Variants in MMAB observed in about 807,000 individuals in gnomAD.
MMAB encodes the protein corrinoid adenosyltransferase MMAB.
A neutral mutation model predicts 30.6 loss-of-function variants in MMAB; 17 were observed. The ratio of observed to expected loss-of-function variants is 0.56; its 90% CI spans 0.38 to 0.83. MMAB has a LOEUF of 0.83. MMAB is among the 40% of genes least tolerant of loss of function. The probability of loss-of-function intolerance (pLI) is 0.00; values close to 1 mark genes in which losing one functional copy is unlikely to be tolerated. For missense variants in MMAB, 311 were observed against 331.6 expected, an observed-to-expected ratio of 0.94 and a Z score of 0.48; for synonymous variants, 134 against 138.6, an observed-to-expected ratio of 0.97 and a Z score of 0.23.
rs1158804708 is a variant in MMAB, at chr12:109,568,777, C to T, written c.283G>A (p.Ala95Thr). The T allele has an allele frequency of 1.9e-6, 3 of 1,613,518 alleles. No homozygotes were observed. In the African/African-American group the frequency reaches 4.0e-5, roughly 22 times the overall value. The change falls in exon 3 of 9, where the codon GCT becomes ACT. Residue 95 changes from alanine (A) to threonine (T), a missense_variant. By Grantham distance (58) the Ala-to-Thr change is moderately conservative. Coordinates refer to ENST00000545712, the MANE Select transcript of MMAB (RefSeq NM_052845.4). ...AVGTTDELSS[A>T]IGFALELVTE... is the part of the protein sequence containing the mutation. ...CAATCCTGTCCCCCTTACCCAATAG[C>T]TGAACTTAATTCATCTGTAGTTCCC... is the stretch of plus-strand genomic sequence containing the variant.
rs771667098 is a variant in MMAB at position 109,568,853 on chromosome 12, A to C, written c.207T>G (p.Ser69Arg). ...TGGGTCTCCTTTCTCCTGTGAAGGTACTAGAAAACCCTGTGGAAAAAAATG... is the reference window on the plus strand; with the variant it reads ...TGGGTCTCCTTTCTCCTGTGAAGGTCCTAGAAAACCCTGTGGAAAAAAATG... ...YTKTGDKGFS[S>R]TFTGERRPKD... is the part of the protein sequence containing the mutation. The change falls in exon 3 of 9, where the codon AGT (serine) becomes AGG (arginine). Residue 69 changes from serine to arginine, a missense_variant. Ser to Arg is a moderately radical substitution (Grantham distance 110). Coordinates refer to ENST00000545712, the MANE Select transcript of MMAB (RefSeq NM_052845.4). 7 of 1,613,338 alleles carry C rather than the reference A, an allele frequency of 4.3e-6. No homozygotes were observed. Among genetic ancestry groups the C allele is most frequent in the Non-Finnish European group, 5.9e-6 (7 of 1,179,380 alleles).
intron 2 of MMAB, 33 bp downstream of exon 2, chr12:109,571,616 T>A (rs1884628814): frequency 1.3e-6 from 2 of 1,591,560 alleles, no homozygotes; most frequent in South Asian, 2.2e-5. Context: ...GCCATGAGTA[T>A]TTCTTTGCAT....
At chr12:109,564,467 T>C (rs192981954) in intron 4 of MMAB, among the ~76,000 whole-genome samples, 29 of 148,612 alleles carry the variant, frequency 2.0e-4, no homozygotes, top group Admixed American at 1.0e-3. Flanking sequence ...CACTGCAGCC[T>C]CAACCTGTAA....
chr12:109,561,103 G>C lies in MMAB; in HGVS notation c.521C>G (p.Ser174Trp). ...CAGCGCCGAGCTGATCTTGCCTCCC[G>C]ACTGAAAGGAGAAAGGGACATTGCC... ...LPPLTAFILP[S>W]GGKISSALHF... The change falls in exon 7 of 9, where the codon TCG becomes TGG. Residue 174 changes from serine (S) to tryptophan (W), a missense_variant and splice_region_variant. By Grantham distance (177) the Ser-to-Trp change is radical. Coordinates refer to ENST00000545712, the MANE Select transcript of MMAB (RefSeq NM_052845.4). The surrounding 1 kb of genome is among the most constrained non-coding windows in gnomAD (Gnocchi z 5.3). 1 of 1,609,740 alleles carries C rather than the reference G, an allele frequency of 6.2e-7. No homozygotes were observed. Among genetic ancestry groups the C allele is most frequent in the East Asian group, 2.2e-5 (1 of 44,838 alleles).
intron 3 of MMAB, chr12:109,568,529 G>T (rs1678311824): frequency 3.3e-6 from 2 of 601,192 alleles, no homozygotes; most frequent in Admixed American, 5.8e-5. Flanking sequence ...ATGAGAGGGA[G>T]GCAGCTTCAC....
chr12:109,566,957 C>G, intron 3 of MMAB: 1 of 455,934 alleles, frequency 2.2e-6, no homozygotes, highest in South Asian at 1.5e-5. Flanking sequence ...TTTGCCTTCT[C>G]TACCCGGCTG....
In MMAB at chr12:109,556,261, C is replaced by A. The variant is rs2136191075; in HGVS notation, c.*767G>T. On this transcript the variant is annotated 3_prime_UTR_variant, in exon 9 of 9. Coordinates refer to ENST00000545712, the MANE Select transcript of MMAB (RefSeq NM_052845.4). The stretch of plus-strand genomic sequence containing the variant: ...TGCTGGAAACTGACAACCTCATTTT[C>A]TCAAGCTGAAGATGCTGCACCGCAG... 2.2e-6 allele frequency: 1 copy of A among 454,082 alleles called. No individual in the cohort carries two copies. Among genetic ancestry groups the A allele is most frequent in the African/African-American group, 2.0e-5 (1 of 50,104 alleles). 28.1% of individuals were successfully genotyped at this position (454,082 alleles called of 1,614,324 possible).
Position 109,559,120 on chromosome 12 carries a change from G to A in MMAB, c.620C>T (p.Ala207Val), listed in dbSNP as rs61739388. Residue 207 changes from alanine (A) to valine (V), a missense_variant, in exon 8 of 9, where the codon GCG becomes GTG. Transcript: ENST00000545712. The part of the protein sequence containing the change: ...VPLVQMGETD[A>V]NVAKFLNRLS... The stretch of plus-strand genomic sequence containing the variant: ...CCTGTTTAAGAACTTGGCCACGTTC[G>A]CATCGGTCTCTCCCATCTGGACAAG... 5.8e-4 allele frequency: 933 copies of A among 1,613,680 alleles called. 3 individuals carry two copies. Among genetic ancestry groups the A allele is most frequent in the Non-Finnish European group, 7.3e-4 (864 of 1,179,764 alleles).
At position 109,558,772 on chromosome 12, in the gene MMAB, C is replaced by T. The variant is rs144504625; in HGVS notation, c.644+324G>A. Among the ~76,000 whole-genome samples the T allele has an allele frequency of 3.0e-4, 45 of 152,186 alleles. No homozygotes were observed. The highest frequency in any genetic ancestry group is 3.4e-3 in the Middle Eastern group (1 of 294). ...GGTCAGTCACCACCGAGAGGCCTCC[C>T]CTGAGCACCCAGCCTCTAAGAACGC... On this transcript the variant is annotated intron_variant, in intron 8 of 8. Coordinates refer to ENST00000545712, the MANE Select transcript of MMAB (RefSeq NM_052845.4). This position sits in a 1 kb window ranked among gnomAD's most constrained non-coding sequence, Gnocchi z 4.3.
At chr12:109,562,668 G>T (rs1434388170) in intron 4 of MMAB, among the ~76,000 whole-genome samples, 2 of 152,228 alleles carry the variant, frequency 1.3e-5, no homozygotes, top group African/African-American at 4.8e-5. Flanking sequence ...ACCTGTAACA[G>T]TTGGGCCAAG....
rs1884007696 is a variant in MMAB, at chr12:109,557,095, A to G, written c.686T>C (p.Met229Thr). 1 of 1,613,760 alleles carries G rather than the reference A, an allele frequency of 6.2e-7. No homozygotes were observed. The highest frequency in any genetic ancestry group is 8.5e-7 in the Non-Finnish European group (1 of 1,179,670). Residue 229 changes from methionine to threonine, a missense_variant, in exon 9 of 9, where the codon ATG becomes ACG. By Grantham distance (81) the Met-to-Thr change is moderately conservative. Transcript: ENST00000545712. ...TATTTTCTCTTGATTCCCCTCCTTCATGGCTGCATATCTGGCTAGCGTGAA... is the reference window on the plus strand; with the variant it reads ...TATTTTCTCTTGATTCCCCTCCTTCGTGGCTGCATATCTGGCTAGCGTGAA... ...YLFTLARYAAMKEGNQEKIYM... is the reference protein window; with the variant it reads ...YLFTLARYAATKEGNQEKIYM...
intron 3 of MMAB, chr12:109,568,537 C>T: frequency 1.7e-6 from 1 of 605,794 alleles, no homozygotes; most frequent in Non-Finnish European, 2.9e-6. Context: ...GAGGCAGCTT[C>T]ACATGGCATG....
chr12:109,554,035 A>G lies in MMAB; in HGVS notation c.*2993T>C, dbSNP rs1355676285. The stretch of plus-strand genomic sequence containing the variant: ...GAGAAATGAGACAGCAGGATCTATC[A>G]GAGCCTGGCATTGTTCGCCACAGCC... On this transcript the variant is annotated 3_prime_UTR_variant, in exon 9 of 9. Coordinates refer to ENST00000545712, the MANE Select transcript of MMAB (RefSeq NM_052845.4). The G allele has an allele frequency of 4.4e-6, 2 of 454,036 alleles. No individual in the cohort carries two copies. Among genetic ancestry groups the G allele is most frequent in the African/African-American group, 4.0e-5 (2 of 50,022 alleles). The allele number at this position is 454,036 out of a possible 1,614,324, so 28.1% of individuals were successfully genotyped here. A position where few individuals can be genotyped will look rare whatever the true frequency, so the allele number is the denominator to read the frequency against.
At chr12:109,564,386 T>G (rs895333348) in intron 4 of MMAB, among the ~76,000 whole-genome samples, 15 of 150,986 alleles carry the variant, frequency 9.9e-5, no homozygotes, top group South Asian at 2.1e-4. Flanking sequence ...GAGGTTTTTT[T>G]TTTTTTTTTT....
Position 109,555,061 on chromosome 12 carries a change from A to G in MMAB, c.*1967T>C, listed in dbSNP as rs1381932971. ...GAACGGCCTTGTTTCAAAGATTGTC[A>G]CTTTAGGATGTTGTATTTACTCAAA... On this transcript the variant is annotated 3_prime_UTR_variant, in exon 9 of 9. Coordinates refer to ENST00000545712, the MANE Select transcript of MMAB (RefSeq NM_052845.4). 8.8e-6 allele frequency: 4 copies of G among 454,020 alleles called. No individual in the cohort carries two copies. The Admixed American group carries it at 9.4e-5, about 11-fold the overall frequency. 28.1% of individuals were successfully genotyped at this position (454,020 alleles called of 1,614,324 possible). A position where few individuals can be genotyped will look rare whatever the true frequency, so the allele number is the denominator to read the frequency against.
chr12:109,556,648 T>TCTCTCACACACACACA lies in MMAB; in HGVS notation c.*379_*380insTGTGTGTGTGTGAGAG, dbSNP rs1555273916. ...GAGCTGGCAGTGGGAGGGCTCTCTC[T>TCTCTCACACACACACA]CACACACACACACACACACACACAC... On this transcript the variant is annotated 3_prime_UTR_variant, in exon 9 of 9. Transcript: ENST00000545712. 9.1e-6 allele frequency: 3 copies of TCTCTCACACACACACA among 328,308 alleles called. No homozygotes were observed. Among genetic ancestry groups the TCTCTCACACACACACA allele is most frequent in the African/African-American group, 5.9e-5 (2 of 33,958 alleles). The allele number at this position is 328,308 out of a possible 1,614,324, so 20.3% of individuals were successfully genotyped here. A position where few individuals can be genotyped will look rare whatever the true frequency, so the allele number is the denominator to read the frequency against.
At chr12:109,557,607 T>C (rs2136193074) in intron 8 of MMAB, among the ~76,000 whole-genome samples, 1 of 152,342 alleles carries the variant, frequency 6.6e-6, no homozygotes, top group African/African-American at 2.4e-5. Context: ...CCCTGGCTGA[T>C]GCTGACACTG....
chr12:109,566,999 C>T (rs874171), intron 3 of MMAB: 66,793 of 455,808 alleles, frequency 0.15, 5,513 homozygotes, highest in Middle Eastern at 0.19. Context: ...TTATCTGTCC[C>T]GAAAATCTCA....
chr12:109,567,760 T>G (rs1884488166), intron 3 of MMAB: 1 of 152,164 alleles, frequency 6.6e-6, no homozygotes, highest in African/African-American at 2.4e-5. Context: ...GCTTTCTGAG[T>G]AGCTGGGACT....
Sources: gnomAD v4.1 joint callset for allele counts (sites outside exome capture counted in the v4.1 genomes callset) on GRCh38, gnomAD v4.1.1 for gene constraint, Gnocchi (gnomAD v3.1) non-coding constraint, MANE v1.5 for transcripts, NCBI Gene and HGNC (gene_info 2026-07-23, HGNC 2026-07-21) for gene names.